The following DCT variants were observed in gnomAD, a reference collection of about 807,000 sequenced individuals.
DCT encodes dopachrome tautomerase, also known as L-dopachrome tautomerase.
A neutral mutation model predicts 53.0 loss-of-function variants in DCT; 47 were observed. That is an observed-to-expected ratio of 0.89 (90% CI 0.70 to 1.13). The LOEUF (loss-of-function observed/expected upper bound fraction) is 1.13, where lower values mean the gene tolerates loss of function less well. Ranked by LOEUF, DCT falls within the 50% of genes most tolerant of loss-of-function variation. The pLI is 0.00. For missense variants in DCT, 669 were observed against 637.4 expected (o/e 1.05, Z -0.53); for synonymous variants, 244 against 237.0 (o/e 1.03, Z -0.27).
At chr13:94,514,248 A>G in the DCT span, among the ~76,000 whole-genome samples, 8 of 152,262 alleles carry the variant, frequency 5.3e-5, no homozygotes, top group African/African-American at 1.7e-4. Context: ...ACAACAGTCC[A>G]AGGAAGGGGA....
chr13:94,456,999 A>T (rs1399978855), intron 6 of DCT, among the ~76,000 whole-genome samples: 1 of 152,228 alleles, frequency 6.6e-6, no homozygotes, highest in African/African-American at 2.4e-5. Context: ...GCGCAGTGGC[A>T]CGTGCCTGTA....
At chr13:94,515,945 C>T in the DCT span, among the ~76,000 whole-genome samples, 1 of 152,088 alleles carries the variant, frequency 6.6e-6, no homozygotes, top group African/African-American at 2.4e-5. Flanking sequence ...AATGGAATCA[C>T]CCAGAGAGAA....
At position 94,439,862 on chromosome 13, in the gene DCT, T is replaced by G. The variant is rs1594264177; in HGVS notation, c.*36A>C. The G allele has an allele frequency of 6.4e-7, 1 of 1,551,740 alleles. No individual in the cohort carries two copies. The highest frequency in any genetic ancestry group is 8.8e-7 in the Non-Finnish European group (1 of 1,139,654). ...TATTGTCAGCGTCAGAACTGTGGCT[T>G]GGCCAGCCTCTTCTCTTAGGTAAGG... On this transcript the variant is annotated 3_prime_UTR_variant, in exon 8 of 8. Transcript: ENST00000377028.
intron 7 of DCT, among the ~76,000 whole-genome samples, chr13:94,441,527 C>G (rs1882312756): frequency 6.6e-6 from 1 of 152,096 alleles, no homozygotes; most frequent in African/African-American, 2.4e-5. Context: ...CCCTATTCTC[C>G]CCTCCCAACC....
chr13:94,511,319 T>G, the DCT span, among the ~76,000 whole-genome samples: 1 of 151,464 alleles, frequency 6.6e-6, no homozygotes, highest in Non-Finnish European at 1.5e-5. Context: ...CCTGGAAGGC[T>G]GTTCGTGTTC....
chr13:94,527,376 T>C, the DCT span, among the ~76,000 whole-genome samples: 2 of 152,078 alleles, frequency 1.3e-5, no homozygotes, highest in African/African-American at 2.4e-5. Context: ...CATCTCCCAG[T>C]AGGGGCCGAC....
In DCT at chr13:94,476,469, CTTTTTT is replaced by C. The variant is rs57154236; in HGVS notation, c.295+2486_295+2491del. On this transcript the variant is annotated intron_variant, in intron 1 of 7. Transcript: ENST00000377028. ...AACTTTTTGAAAGTGTTGGCACTTT[CTTTTTT>C]TTTTTTTTTTTTTTCTGAGACACAG... is the stretch of plus-strand genomic sequence containing the variant. Among the ~76,000 whole-genome samples the C allele has an allele frequency of 5.5e-3, 607 of 111,034 alleles. 4 individuals carry two copies. The highest frequency in any genetic ancestry group is 0.02 in the African/African-American group (593 of 28,952). 72.8% of individuals were successfully genotyped at this position (111,034 alleles called of 152,430 possible).
rs570836806 is a variant in DCT, at chr13:94,448,302, A to G, written c.1180-4665T>C. On this transcript the variant is annotated intron_variant, in intron 6 of 7. Transcript: ENST00000377028. ...AGTAAGAACTATATACAGAGTACCC[A>G]AATTATAGAATGTAAGTTTTTTTGA... Among the ~76,000 whole-genome samples the G allele has an allele frequency of 1.1e-3, 170 of 152,328 alleles. 1 individual carries two copies. The highest frequency in any genetic ancestry group is 9.7e-3 in the Admixed American group (149 of 15,304).
At chr13:94,448,830 G>A (rs1594280131) in intron 6 of DCT, among the ~76,000 whole-genome samples, 1 of 152,146 alleles carries the variant, frequency 6.6e-6, no homozygotes, top group Non-Finnish European at 1.5e-5. Context: ...CTTGAACTCG[G>A]GAGGTGGAGG....
chr13:94,497,986 T>C, the DCT span, among the ~76,000 whole-genome samples: 88,523 of 152,082 alleles, frequency 0.58, 25,915 homozygotes, highest in Middle Eastern at 0.67. Context: ...AGGATATTCT[T>C]AAATGCAAAG....
the DCT span, among the ~76,000 whole-genome samples, chr13:94,501,708 A>G: frequency 6.6e-6 from 1 of 151,976 alleles, no homozygotes; most frequent in African/African-American, 2.4e-5. Flanking sequence ...ACTCCTGGCA[A>G]GACCACCAAA....
At chr13:94,463,045 G>A (rs1883920096) in intron 4 of DCT, among the ~76,000 whole-genome samples, 1 of 152,228 alleles carries the variant, frequency 6.6e-6, no homozygotes, top group African/African-American at 2.4e-5. Flanking sequence ...GGGCTGAGAA[G>A]GTCCCATGTC....
chr13:94,485,419 CT>C, the DCT span, among the ~76,000 whole-genome samples: 1 of 152,118 alleles, frequency 6.6e-6, no homozygotes, highest in South Asian at 2.1e-4. Flanking sequence ...AGTTCACTGC[CT>C]TTCTCCTAGA....
chr13:94,491,556 T>C, the DCT span, among the ~76,000 whole-genome samples: 2 of 152,124 alleles, frequency 1.3e-5, no homozygotes, highest in Non-Finnish European at 2.9e-5. Flanking sequence ...TAACAGATAA[T>C]AAACGGTGAA....
rs1882135697 is a variant in DCT at position 94,439,673 on chromosome 13, A to G, written c.*225T>C. ...ATCACAAATTGTCAGGTCTATCTTT[A>G]TTTGAAGGTAGAGGTAGCCTCAAGC... On this transcript the variant is annotated 3_prime_UTR_variant, in exon 8 of 8. Coordinates refer to ENST00000377028, the MANE Select transcript of DCT (RefSeq NM_001922.5). The G allele has an allele frequency of 2.8e-6, 1 of 351,632 alleles. No homozygotes were observed. Among genetic ancestry groups the G allele is most frequent in the East Asian group, 4.2e-5 (1 of 23,598 alleles). The allele number at this position is 351,632 out of a possible 1,614,324, so 21.8% of individuals were successfully genotyped here.
At chr13:94,471,520 T>C (rs1011274333) in intron 1 of DCT, among the ~76,000 whole-genome samples, 5 of 152,232 alleles carry the variant, frequency 3.3e-5, no homozygotes, top group African/African-American at 9.6e-5. Context: ...CAAATATTTA[T>C]GAAGCGGCTA....
chr13:94,469,149 G>T, intron 1 of DCT, 104 bp from the exon 2 acceptor site: 1 of 1,000,136 alleles, frequency 1.0e-6, no homozygotes. Context: ...AGATGAAGGT[G>T]CTTACACAAA....
the DCT span, among the ~76,000 whole-genome samples, chr13:94,540,428 T>C: frequency 5.9e-5 from 9 of 152,232 alleles, no homozygotes; most frequent in African/African-American, 2.2e-4. Flanking sequence ...CAAAGAGAAC[T>C]AAACATGTAA....
the DCT span, among the ~76,000 whole-genome samples, chr13:94,514,407 A>G: frequency 0.35 from 53,618 of 152,104 alleles, 9,826 homozygotes; most frequent in East Asian, 0.61. Flanking sequence ...CTGAAAGGCT[A>G]TACTGACCAT....
Sources: allele counts gnomAD v4.1 joint callset (sites outside exome capture counted in the v4.1 genomes callset), GRCh38; gene constraint gnomAD v4.1.1; transcripts MANE v1.5; gene names NCBI Gene and HGNC (gene_info 2026-07-23, HGNC 2026-07-21).